Variants in KYAT3 observed in about 807,000 individuals in gnomAD.
The protein encoded by KYAT3 is kynurenine--oxoglutarate transaminase 3.
Under a neutral mutation model 59.0 loss-of-function variants are expected in KYAT3, and 50 were observed. The ratio of observed to expected loss-of-function variants is 0.85; its 90% confidence interval spans 0.68 to 1.07. KYAT3 has a LOEUF of 1.07. Ranked by LOEUF, KYAT3 falls within the 50% of genes least tolerant of loss-of-function variation. KYAT3 has a pLI of 0.00. For synonymous variants in KYAT3, 148 were observed against 177.0 expected (o/e 0.84, Z 1.30); for missense variants, 497 against 533.3 (o/e 0.93, Z 0.67).
At position 88,964,075 on chromosome 1, in the gene KYAT3, C is replaced by T. The variant is rs149981058; in HGVS notation, c.453+754G>A. On this transcript the variant is annotated intron_variant, in intron 5 of 13. Coordinates refer to ENST00000260508, the MANE Select transcript of KYAT3 (RefSeq NM_001008661.3). ...AAAATTAGCTGGGCTTCGTGGCGGG[C>T]GCCTGTAATCTCAGCTACTCAGTAG... Among the ~76,000 whole-genome samples, 412 of 152,164 alleles carry T rather than the reference C, an allele frequency of 2.7e-3. 1 individual carries two copies. Among genetic ancestry groups the T allele is most frequent in the Middle Eastern group, 0.017 (5 of 294 alleles).
intron 6 of KYAT3, 136 bp from the exon 7 acceptor site, chr1:88,961,642 T>G: frequency 1.4e-6 from 1 of 720,080 alleles, no homozygotes; most frequent in South Asian, 2.1e-5. Context: ...CAACAAATGC[T>G]TTCCTGCAGT....
intron 2 of KYAT3, among the ~76,000 whole-genome samples, chr1:88,984,454 C>T (rs1677326439): frequency 1.3e-5 from 2 of 152,102 alleles, no homozygotes; most frequent in South Asian, 2.1e-4. Flanking sequence ...CCAAGTGATC[C>T]GCCTGCCTCG....
At chr1:88,989,154 T>C (rs1217946924) in intron 1 of KYAT3, among the ~76,000 whole-genome samples, 1 of 152,224 alleles carries the variant, frequency 6.6e-6, no homozygotes, top group Admixed American at 6.5e-5. Context: ...ATAAGGCTGC[T>C]GTATCAGTGG....
At chr1:88,923,118 A>C in the KYAT3 span, among the ~76,000 whole-genome samples, 4 of 152,376 alleles carry the variant, frequency 2.6e-5, no homozygotes, top group South Asian at 8.3e-4. Context: ...CAGTTGAGAC[A>C]GAAAATTGCC....
At chr1:88,931,447 G>A (rs1674905511), downstream of KYAT3, among the ~76,000 whole-genome samples, 1 of 152,094 alleles carries the variant, frequency 6.6e-6, no homozygotes, top group African/African-American at 2.4e-5. Context: ...GACATTGAAG[G>A]CACCCCTCCT....
At chr1:88,922,660 T>C in the KYAT3 span, among the ~76,000 whole-genome samples, 2 of 152,156 alleles carry the variant, frequency 1.3e-5, no homozygotes, top group African/African-American at 4.8e-5. Flanking sequence ...CCTCCATCCA[T>C]GGAAAAATTG....
rs995748658 is a variant in KYAT3, at chr1:88,975,694, C to T, written c.100-6227G>A. Among the ~76,000 whole-genome samples, 18 of 152,172 alleles carry T rather than the reference C, an allele frequency of 1.2e-4. 1 individual carries two copies. The highest frequency in any genetic ancestry group is 3.6e-4 in the African/African-American group (15 of 41,442). ...CACAGAGTCATGTGCTGCATAAACA[C>T]GTTTTGGTCAATGACAGATTGCATA... On this transcript the variant is annotated intron_variant, in intron 2 of 13. Transcript: ENST00000260508.
intron 2 of KYAT3, among the ~76,000 whole-genome samples, chr1:88,975,809 T>G (rs1213699210): frequency 6.7e-6 from 1 of 149,606 alleles, no homozygotes; most frequent in African/African-American, 2.5e-5. Context: ...CTGGGGTGGG[T>G]GGACCACCTG....
In KYAT3 at chr1:88,956,258, C is replaced by T. The variant is rs564147826; in HGVS notation, c.788-1033G>A. On this transcript the variant is annotated intron_variant, in intron 8 of 13. Transcript: ENST00000260508. The stretch of plus-strand genomic sequence containing the variant: ...AGAAGCATAATGTTGCCTTGTTTGA[C>T]CTCGACTGGGAATGTGTGTAGGGTG... Among the ~76,000 whole-genome samples, 3 of 152,156 alleles carry T rather than the reference C, an allele frequency of 2.0e-5. No homozygotes were observed. The East Asian group carries it at 5.8e-4, about 29-fold the overall frequency.
At chr1:88,939,070 T>C (rs1338186573) in intron 13 of KYAT3, among the ~76,000 whole-genome samples, 1 of 152,160 alleles carries the variant, frequency 6.6e-6, no homozygotes, top group African/African-American at 2.4e-5. Context: ...TTTGTGAGAG[T>C]GTTTTATGAA....
chr1:88,986,059 T>C (rs556688236), intron 2 of KYAT3, among the ~76,000 whole-genome samples: 1 of 151,906 alleles, frequency 6.6e-6, no homozygotes, highest in South Asian at 2.1e-4. Context: ...CGGGCACCTA[T>C]AGTCCCAGCT....
intron 4 of KYAT3, among the ~76,000 whole-genome samples, chr1:88,966,965 A>G (rs1424092050): frequency 6.6e-6 from 1 of 152,124 alleles, no homozygotes; most frequent in African/African-American, 2.4e-5. Context: ...TTCTGATAAT[A>G]TAGCATAATT....
rs1364664178 is a variant in KYAT3 at position 88,960,832 on chromosome 1, G to A, written c.787+335C>T. ...TTTGGTAAGTTGTTCAGCATAGACC[G>A]TCTAGAACCTTTTCAGGCACAAGAA... is the stretch of plus-strand genomic sequence containing the variant. On this transcript the variant is annotated intron_variant, in intron 8 of 13. Coordinates refer to ENST00000260508, the MANE Select transcript of KYAT3 (RefSeq NM_001008661.3). Among the ~76,000 whole-genome samples, 5 of 152,138 alleles carry A rather than the reference G, an allele frequency of 3.3e-5. No individual in the cohort carries two copies. In the East Asian group the frequency reaches 7.7e-4, roughly 23 times the overall value.
chr1:88,967,779 CT>C, intron 4 of KYAT3, among the ~76,000 whole-genome samples: 1 of 151,754 alleles, frequency 6.6e-6, no homozygotes, highest in East Asian at 1.9e-4. Flanking sequence ...TGAGTTTTTT[CT>C]TTTTTATTGG....
At chr1:88,951,221 C>G (rs758833415) in intron 10 of KYAT3, among the ~76,000 whole-genome samples, 1 of 151,532 alleles carries the variant, frequency 6.6e-6, no homozygotes, top group African/African-American at 2.4e-5. Flanking sequence ...CTATCAACAT[C>G]TTTTTTTTCT....
chr1:88,979,051 A>G (rs945797573), intron 2 of KYAT3, among the ~76,000 whole-genome samples: 1 of 152,208 alleles, frequency 6.6e-6, no homozygotes, highest in Non-Finnish European at 1.5e-5. Context: ...CCGAAGCTAT[A>G]GTAATCAGAT....
chr1:88,986,826 G>A (rs1035715051), intron 2 of KYAT3, among the ~76,000 whole-genome samples: 1 of 152,062 alleles, frequency 6.6e-6, no homozygotes, highest in Non-Finnish European at 1.5e-5. Context: ...TATCACTATT[G>A]CTTTTGTAAC....
chr1:88,970,413 C>T (rs1331200911), intron 2 of KYAT3, among the ~76,000 whole-genome samples: 2 of 152,184 alleles, frequency 1.3e-5, no homozygotes, highest in Admixed American at 6.5e-5. Context: ...TTCACATCTG[C>T]TCAAGTTTAT....
chr1:88,921,228 G>A, the KYAT3 span, among the ~76,000 whole-genome samples: 69 of 152,246 alleles, frequency 4.5e-4, no homozygotes, highest in African/African-American at 1.6e-3. Context: ...TCCAGGCCTC[G>A]CTTCTACATT....
Sources: gnomAD v4.1 joint callset for allele counts (sites outside exome capture counted in the v4.1 genomes callset) on GRCh38, gnomAD v4.1.1 for gene constraint, MANE v1.5 for transcripts, NCBI Gene and HGNC (gene_info 2026-07-23, HGNC 2026-07-21) for gene names.